The following SLC18A1 variants were observed in gnomAD, a reference collection of about 807,000 sequenced individuals.
The protein encoded by SLC18A1 is solute carrier family 18 member A1, also known as chromaffin granule amine transporter.
SLC18A1 carries 69 observed loss-of-function variants against 53.7 expected under a neutral mutation model. The observed-to-expected ratio is 1.28, with a 90% CI of 1.06 to 1.57. The LOEUF is 1.57. Among genes scored for constraint, SLC18A1 ranks in the 40% most tolerant of loss-of-function variants. The pLI, the probability that SLC18A1 is intolerant of heterozygous loss-of-function variation, is 0.00. For missense variants in SLC18A1, 932 were observed against 668.1 expected (o/e 1.40, Z -4.35); for synonymous variants, 320 against 248.1 (o/e 1.29, Z -2.72).
intron 8 of SLC18A1, among the ~76,000 whole-genome samples, chr8:20,168,831 G>T (rs1217933864): frequency 6.6e-6 from 1 of 152,128 alleles, no homozygotes. Flanking sequence ...TGGAGGAATG[G>T]CTATTCCTTA....
intron 5 of SLC18A1, 41 bp from the exon 6 acceptor site, chr8:20,173,169 CTTCTAT>C: frequency 6.9e-7 from 1 of 1,456,188 alleles, no homozygotes; most frequent in Non-Finnish European, 9.4e-7. Context: ...CCCTGGGGGG[CTTCTAT>C]CCGCCTCTCA....
intron 8 of SLC18A1, among the ~76,000 whole-genome samples, chr8:20,167,703 C>T (rs1238436834): frequency 6.6e-6 from 1 of 152,108 alleles, no homozygotes; most frequent in East Asian, 1.9e-4. Flanking sequence ...TCACTGCAAG[C>T]TCCTCCTCCT....
At chr8:20,153,404 G>C (rs564507040) in intron 10 of SLC18A1, among the ~76,000 whole-genome samples, 1 of 152,202 alleles carries the variant, frequency 6.6e-6, no homozygotes. Flanking sequence ...CAGGCTGGGC[G>C]CTGTGGCTCA....
chr8:20,153,157 G>C (rs1008107180), intron 10 of SLC18A1, among the ~76,000 whole-genome samples: 2 of 152,206 alleles, frequency 1.3e-5, no homozygotes, highest in Non-Finnish European at 2.9e-5. Flanking sequence ...GTTGGACAAT[G>C]TGAAACCCAC....
intron 1 of SLC18A1, among the ~76,000 whole-genome samples, chr8:20,182,653 G>A (rs2072458694): frequency 6.6e-6 from 1 of 152,180 alleles, no homozygotes; most frequent in African/African-American, 2.4e-5. Flanking sequence ...AAACACTGAG[G>A]TACTCTGTTC....
intron 12 of SLC18A1, 195 bp from the exon 13 acceptor site, chr8:20,148,265 C>A (rs533628526): frequency 1.0e-4 from 65 of 624,462 alleles, no homozygotes; most frequent in Non-Finnish European, 1.7e-4. Context: ...TTGACCAGCG[C>A]TGTTGTGTTT....
At chr8:20,178,043 G>A (rs2072292681) in intron 4 of SLC18A1, among the ~76,000 whole-genome samples, 1 of 151,302 alleles carries the variant, frequency 6.6e-6, no homozygotes, top group Admixed American at 6.6e-5. Flanking sequence ...CTTTTCCATG[G>A]CATAACAAAA....
intron 8 of SLC18A1, among the ~76,000 whole-genome samples, chr8:20,166,572 T>C (rs2071972169): frequency 6.7e-6 from 1 of 149,602 alleles, no homozygotes. Context: ...GTGGTAGGGG[T>C]GGGAGAGGGG....
intron 14 of SLC18A1, 39 bp from the exon 15 acceptor site, chr8:20,147,430 C>T: frequency 6.3e-7 from 1 of 1,587,616 alleles, no homozygotes; most frequent in Non-Finnish European, 8.6e-7. Flanking sequence ...GTCTATGGAG[C>T]CTCCATATGG....
chr8:20,179,033 C>T (rs769498722), intron 3 of SLC18A1, 88 bp downstream of exon 3: 40 of 1,474,468 alleles, frequency 2.7e-5, no homozygotes, highest in Non-Finnish European at 3.6e-5. Context: ...GTGAGTATTT[C>T]TTCTTTTTCC....
At chr8:20,174,317 T>TGC (rs2072201198) in intron 5 of SLC18A1, 44 bp downstream of exon 5, 2 of 1,291,078 alleles carry the variant, frequency 1.5e-6, no homozygotes, top group Non-Finnish European at 1.1e-6. Context: ...TGTGTGTGTG[T>TGC]GCATGCCTGC....
At chr8:20,176,576 C>T (rs1563768969) in intron 4 of SLC18A1, among the ~76,000 whole-genome samples, 1 of 152,142 alleles carries the variant, frequency 6.6e-6, no homozygotes, top group African/African-American at 2.4e-5. Context: ...CACCATTTCA[C>T]TCTTGATTAC....
At chr8:20,181,153 T>G (rs2072419630) in intron 1 of SLC18A1, 66 bp from the exon 2 acceptor site, 4 of 534,814 alleles carry the variant, frequency 7.5e-6, no homozygotes, top group Non-Finnish European at 1.3e-5. Context: ...TCTCCATGTC[T>G]GTATCACTGT....
intron 8 of SLC18A1, among the ~76,000 whole-genome samples, chr8:20,170,749 ATG>A (rs2072092238): frequency 6.7e-6 from 1 of 150,358 alleles, no homozygotes; most frequent in South Asian, 2.1e-4. Context: ...CTATAATTAC[ATG>A]TGTGTGTGCA....
At chr8:20,175,100 A>G (rs1030496159) in intron 4 of SLC18A1, among the ~76,000 whole-genome samples, 3 of 152,226 alleles carry the variant, frequency 2.0e-5, no homozygotes, top group Non-Finnish European at 4.4e-5. Flanking sequence ...TGTGTTGAAG[A>G]TGGACACCCA....
chr8:20,163,523 A>C (rs1427038482), intron 10 of SLC18A1, among the ~76,000 whole-genome samples: 1 of 152,118 alleles, frequency 6.6e-6, no homozygotes, highest in African/African-American at 2.4e-5. Flanking sequence ...AAGCACTCAG[A>C]GGCAGACTAC....
chr8:20,176,111 C>T (rs945282404), intron 4 of SLC18A1, among the ~76,000 whole-genome samples: 2 of 152,116 alleles, frequency 1.3e-5, no homozygotes, highest in Middle Eastern at 3.2e-3. Context: ...ATTTGATCCC[C>T]GGTGTTGGAG....
At chr8:20,166,159 A>C (rs1299195752) in intron 8 of SLC18A1, among the ~76,000 whole-genome samples, 1 of 151,818 alleles carries the variant, frequency 6.6e-6, no homozygotes, top group Non-Finnish European at 1.5e-5. Flanking sequence ...ATAAACATGC[A>C]GTCATGCAAA....
intron 12 of SLC18A1, 73 bp downstream of exon 12, chr8:20,149,600 CTCT>C: frequency 1.7e-6 from 2 of 1,161,066 alleles, no homozygotes; most frequent in Non-Finnish European, 2.5e-6. Flanking sequence ...CTCTCTCTCT[CTCT>C]CTCTCTCTCT....
Sources: allele counts gnomAD v4.1 joint callset (sites outside exome capture counted in the v4.1 genomes callset), GRCh38; gene constraint gnomAD v4.1.1; transcripts MANE v1.5; gene names NCBI Gene and HGNC (gene_info 2026-07-23, HGNC 2026-07-21).